MICU3: variants seen among roughly 807,000 people sequenced by gnomAD.
MICU3 encodes calcium uptake protein 3, mitochondrial.
A neutral mutation model predicts 66.5 loss-of-function variants in MICU3; 62 were observed. That is an observed-to-expected ratio of 0.93 (90% CI 0.76 to 1.15). The LOEUF is 1.15. MICU3 is among the 50% of genes most tolerant of loss of function. The pLI is 0.00. For synonymous variants in MICU3, 308 were observed against 240.7 expected, an observed-to-expected ratio of 1.28 and a Z score of -2.59; for missense variants, 779 against 664.4, an observed-to-expected ratio of 1.17 and a Z score of -1.90.
At chr8:17,092,299 T>C (rs560123363) in intron 8 of MICU3, among the ~76,000 whole-genome samples, 1 of 152,182 alleles carries the variant, frequency 6.6e-6, no homozygotes, top group Non-Finnish European at 1.5e-5. Context: ...GCATTTTTTT[T>C]TAGAAAAATA....
At chr8:17,050,062 A>C (rs992930936) in intron 1 of MICU3, among the ~76,000 whole-genome samples, 1 of 152,030 alleles carries the variant, frequency 6.6e-6, no homozygotes, top group East Asian at 1.9e-4. Flanking sequence ...GGAAATTTTG[A>C]TTGTTTCTAT....
chr8:17,069,658 A>G lies in MICU3; in HGVS notation c.536-30A>G, dbSNP rs372444696. The G allele has an allele frequency of 4.3e-6, 6 of 1,380,946 alleles. No individual in the cohort carries two copies. The African/African-American group carries it at 8.7e-5, about 20-fold the overall frequency. 85.5% of individuals were successfully genotyped at this position (1,380,946 alleles called of 1,614,324 possible). ...ATATATATTCCATGAAGTATTTATT[A>G]TCTAATTATCTTACATTTGTTTATT... On this transcript the variant is annotated intron_variant, in intron 2 of 14. Transcript: ENST00000318063.
rs139180174 is a variant in MICU3 at position 17,044,166 on chromosome 8, G to C, written c.381+16506G>C. The stretch of plus-strand genomic sequence containing the variant: ...TGGAACATGGTTAAAGCCGTAGATT[G>C]GGTTGAACATTGATGTTCAGTAGAG... On this transcript the variant is annotated intron_variant, in intron 1 of 14. Coordinates refer to ENST00000318063, the MANE Select transcript of MICU3 (RefSeq NM_181723.3). Among the ~76,000 whole-genome samples, 1,277 of 152,306 alleles carry C rather than the reference G, an allele frequency of 8.4e-3. 14 individuals carry two copies. Among genetic ancestry groups the C allele is most frequent in the African/African-American group, 0.029 (1,204 of 41,584 alleles).
At chr8:17,081,825 C>G (rs1046094064) in intron 5 of MICU3, 85 bp downstream of exon 5, 3 of 657,694 alleles carry the variant, frequency 4.6e-6, no homozygotes, top group East Asian at 3.5e-5. Context: ...TTCTCTTACT[C>G]TTGAAAATCA....
intron 11 of MICU3, among the ~76,000 whole-genome samples, chr8:17,113,770 A>G (rs951381393): frequency 5.9e-5 from 9 of 152,020 alleles, no homozygotes; most frequent in African/African-American, 1.9e-4. Flanking sequence ...AAAAAAAATC[A>G]GGCATAAAAG....
At chr8:17,132,315 T>C in the MICU3 span, 5 of 152,242 alleles carry the variant, frequency 3.3e-5, no homozygotes, top group African/African-American at 9.6e-5. Context: ...TTTTTACTTA[T>C]GGCTTCCTTC....
chr8:17,065,540 G>A (rs1818549515), intron 2 of MICU3, among the ~76,000 whole-genome samples: 1 of 152,144 alleles, frequency 6.6e-6, no homozygotes, highest in African/African-American at 2.4e-5. Flanking sequence ...GGCTTTGAAA[G>A]GATGAGAAAA....
chr8:17,028,077 C>T (rs1811338413), intron 1 of MICU3, among the ~76,000 whole-genome samples: 1 of 152,122 alleles, frequency 6.6e-6, no homozygotes, highest in South Asian at 2.1e-4. Context: ...TTCGAAGCAG[C>T]GGTCTGAGAT....
chr8:17,134,961 A>G, the MICU3 span, among the ~76,000 whole-genome samples: 6 of 152,220 alleles, frequency 3.9e-5, no homozygotes, highest in Admixed American at 2.0e-4. Flanking sequence ...CCTTTATACT[A>G]TACCATTTCA....
chr8:17,127,142 T>G (rs1052222217), downstream of MICU3, among the ~76,000 whole-genome samples: 1 of 152,214 alleles, frequency 6.6e-6, no homozygotes, highest in African/African-American at 2.4e-5. Flanking sequence ...ATCATGCTTT[T>G]GCAAGCTCTA....
At chr8:17,118,160 A>C (rs188070726) in intron 13 of MICU3, among the ~76,000 whole-genome samples, 2 of 152,292 alleles carry the variant, frequency 1.3e-5, no homozygotes, top group East Asian at 3.9e-4. Flanking sequence ...ATTAAATATA[A>C]AGTACGCTAG....
In MICU3 at chr8:17,110,748, G is replaced by T. The variant is rs900490182; in HGVS notation, c.1258-3345G>T. On this transcript the variant is annotated intron_variant, in intron 11 of 14. Transcript: ENST00000318063. Reference sequence around the variant, plus strand: ...CTGGCAATTTTTTTGGGGAGGGGGGGGTAGAGACAGGGTTTTTTTTTGTTT... The same window carrying T: ...CTGGCAATTTTTTTGGGGAGGGGGGTGTAGAGACAGGGTTTTTTTTTGTTT... Among the ~76,000 whole-genome samples the T allele has an allele frequency of 3.3e-5, 5 of 151,462 alleles. No individual in the cohort carries two copies. The East Asian group carries it at 5.9e-4, about 18-fold the overall frequency.
chr8:17,030,440 C>G (rs1811820963), intron 1 of MICU3, among the ~76,000 whole-genome samples: 1 of 152,188 alleles, frequency 6.6e-6, no homozygotes, highest in African/African-American at 2.4e-5. Context: ...TGTTGAGCGT[C>G]TACAAAAAAT....
chr8:17,074,734 T>A (rs1820124946), intron 3 of MICU3, among the ~76,000 whole-genome samples: 1 of 151,970 alleles, frequency 6.6e-6, no homozygotes, highest in African/African-American at 2.4e-5. Context: ...TACTAATTTT[T>A]CTATAATATA....
chr8:17,110,288 C>T (rs549060765), intron 11 of MICU3, among the ~76,000 whole-genome samples: 1 of 152,018 alleles, frequency 6.6e-6, no homozygotes, highest in Non-Finnish European at 1.5e-5. Flanking sequence ...AAAAAATTAA[C>T]CGTTTTAAAC....
intron 13 of MICU3, among the ~76,000 whole-genome samples, chr8:17,118,011 A>G (rs1802848187): frequency 6.6e-6 from 1 of 152,190 alleles, no homozygotes; most frequent in Non-Finnish European, 1.5e-5. Context: ...AGTCCAAGCT[A>G]CTTGAGTAAA....
At chr8:17,124,115 T>A (rs973214749), downstream of MICU3, among the ~76,000 whole-genome samples, 2 of 152,130 alleles carry the variant, frequency 1.3e-5, no homozygotes, top group African/African-American at 4.8e-5. Flanking sequence ...ATTTATTGAC[T>A]TCCTACAATG....
chr8:17,076,191 C>A (rs1182148497), intron 3 of MICU3, among the ~76,000 whole-genome samples: 1 of 151,926 alleles, frequency 6.6e-6, no homozygotes, highest in East Asian at 1.9e-4. Flanking sequence ...CCATGCCCAG[C>A]TAATTGTTTG....
At chr8:17,130,425 A>G in the MICU3 span, among the ~76,000 whole-genome samples, 1 of 152,124 alleles carries the variant, frequency 6.6e-6, no homozygotes, top group African/African-American at 2.4e-5. Context: ...CAGGAGGCCA[A>G]GGCAGAAGAA....
Sources: allele counts gnomAD v4.1 joint callset (sites outside exome capture counted in the v4.1 genomes callset), GRCh38; gene constraint gnomAD v4.1.1; transcripts MANE v1.5; gene names NCBI Gene and HGNC (gene_info 2026-07-23, HGNC 2026-07-21).